Variants in VPS13B observed in about 807,000 individuals in gnomAD.
The protein encoded by VPS13B is intermembrane lipid transfer protein VPS13B.
A neutral mutation model predicts 426.4 loss-of-function variants in VPS13B; 285 were observed. That is an observed-to-expected ratio of 0.67 (90% CI 0.61 to 0.74). The LOEUF (loss-of-function observed/expected upper bound fraction) is 0.74, where lower values mean the gene tolerates loss of function less well. Among genes scored for constraint, VPS13B ranks in the 30% least tolerant of loss-of-function variants. The pLI is 0.00. For missense variants in VPS13B, 4,537 were observed against 4,782.6 expected, an observed-to-expected ratio of 0.95 and a Z score of 1.51; for synonymous variants, 1,676 against 1,676.4, an observed-to-expected ratio of 1.00 and a Z score of 0.01.
intron 39 of VPS13B, among the ~76,000 whole-genome samples, chr8:99,758,532 A>G (rs533889275): frequency 1.2e-3 from 189 of 152,348 alleles, no homozygotes; most frequent in African/African-American, 4.3e-3. Context: ...TAAGAATACT[A>G]ATCTGAGAAC....
chr8:99,185,639 C>G (rs1460147812), intron 16 of VPS13B, among the ~76,000 whole-genome samples: 3 of 152,154 alleles, frequency 2.0e-5, no homozygotes, highest in Non-Finnish European at 2.9e-5. Flanking sequence ...TGAGAATATT[C>G]TTTCAATTGC....
intron 24 of VPS13B, 101 bp from the exon 25 acceptor site, chr8:99,481,498 T>G: frequency 7.5e-7 from 1 of 1,324,862 alleles, no homozygotes; most frequent in Non-Finnish European, 1.1e-6. Flanking sequence ...TTTATAAATT[T>G]TATTTCTCTG....
chr8:99,327,677 A>G (rs1348628353), intron 19 of VPS13B, among the ~76,000 whole-genome samples: 18 of 152,164 alleles, frequency 1.2e-4, no homozygotes, highest in Non-Finnish European at 5.9e-5. Flanking sequence ...ATGTTTATGT[A>G]TCCCCTGCCC....
intron 29 of VPS13B, among the ~76,000 whole-genome samples, chr8:99,517,901 G>T (rs1051875963): frequency 6.6e-6 from 1 of 151,432 alleles, no homozygotes; most frequent in African/African-American, 2.4e-5. Context: ...GCACTTTCAT[G>T]TATAAATACA....
chr8:99,606,268 A>C (rs1046481089), intron 33 of VPS13B, among the ~76,000 whole-genome samples: 1 of 152,100 alleles, frequency 6.6e-6, no homozygotes, highest in African/African-American at 2.4e-5. Context: ...TGACATTACT[A>C]TTATATTCGT....
chr8:99,169,943 C>T (rs1268505750), intron 15 of VPS13B, 96 bp from the exon 16 acceptor site: 1 of 1,389,052 alleles, frequency 7.2e-7, no homozygotes, highest in Non-Finnish European at 1.0e-6. Context: ...ATTTAGTGTG[C>T]AGCTGTTGTA....
At chr8:99,620,487 TAAAGGGTGGGAGGG>T (rs1828300746) in intron 33 of VPS13B, among the ~76,000 whole-genome samples, 1 of 151,926 alleles carries the variant, frequency 6.6e-6, no homozygotes, top group South Asian at 2.1e-4. Flanking sequence ...CACTGAGAAA[TAAAGGGTGGGAGGG>T]AAAGCTGTGC....
chr8:99,835,964 G>T (rs1209428747), intron 54 of VPS13B, among the ~76,000 whole-genome samples: 1 of 152,170 alleles, frequency 6.6e-6, no homozygotes, highest in Non-Finnish European at 1.5e-5. Context: ...AGGAGCACTA[G>T]TAAAAGCAGG....
At chr8:99,790,787 G>A (rs182247336) in intron 43 of VPS13B, among the ~76,000 whole-genome samples, 11 of 152,256 alleles carry the variant, frequency 7.2e-5, no homozygotes, top group Admixed American at 1.3e-4. Context: ...GGGTGGAGGC[G>A]ATATTCCAGC....
At chr8:99,410,704 C>A (rs1051903381) in intron 21 of VPS13B, among the ~76,000 whole-genome samples, 4 of 152,036 alleles carry the variant, frequency 2.6e-5, no homozygotes, top group African/African-American at 9.7e-5. Context: ...AAAATGTTAT[C>A]CCTCCCCTAG....
chr8:99,533,084 C>G (rs1308043888), intron 30 of VPS13B, among the ~76,000 whole-genome samples: 1 of 151,594 alleles, frequency 6.6e-6, no homozygotes, highest in Non-Finnish European at 1.5e-5. Flanking sequence ...GGATTACAGG[C>G]ACGCACAACC....
rs554239368 is a variant in VPS13B at position 99,598,998 on chromosome 8, C to A, written c.5220+21365C>A. 1.2e-3 allele frequency among the ~76,000 whole-genome samples: 175 copies of A among 152,056 alleles called. 1 individual carries two copies. The highest frequency in any genetic ancestry group is 6.8e-3 in the Middle Eastern group (2 of 294). On this transcript the variant is annotated intron_variant, in intron 33 of 61. Coordinates refer to ENST00000357162, the MANE Select transcript of VPS13B (RefSeq NM_152564.5). ...TTTCTAAAGTAGTGGTTATTTCTAT[C>A]CAATGTAAAGTTTCCCTTTCCCCAG...
intron 30 of VPS13B, among the ~76,000 whole-genome samples, chr8:99,521,432 G>A (rs1351192492): frequency 6.6e-6 from 1 of 152,120 alleles, no homozygotes; most frequent in Non-Finnish European, 1.5e-5. Flanking sequence ...ATGTCATATG[G>A]ATCAAAGCTA....
intron 25 of VPS13B, among the ~76,000 whole-genome samples, chr8:99,497,011 A>T (rs556083019): frequency 5.3e-5 from 8 of 149,564 alleles, no homozygotes; most frequent in African/African-American, 2.0e-4. Context: ...AGTAATTTCA[A>T]AGCTGTAGAA....
chr8:99,137,519 T>G (rs1011648461), intron 12 of VPS13B, among the ~76,000 whole-genome samples: 1 of 150,618 alleles, frequency 6.6e-6, no homozygotes, highest in Non-Finnish European at 1.5e-5. Flanking sequence ...TATAGAGAAC[T>G]AGAAGTGTGG....
chr8:99,754,560 T>C (rs1174986892), intron 39 of VPS13B, among the ~76,000 whole-genome samples: 1 of 152,194 alleles, frequency 6.6e-6, no homozygotes, highest in Non-Finnish European at 1.5e-5. Flanking sequence ...TATCTCTAGA[T>C]AAGGACTGTC....
chr8:99,102,890 TTAAG>T (rs1467235852), intron 4 of VPS13B, 59 bp from the exon 5 acceptor site: 2 of 1,437,624 alleles, frequency 1.4e-6, no homozygotes. Flanking sequence ...CAATAACACT[TTAAG>T]AAATAATTAT....
intron 21 of VPS13B, among the ~76,000 whole-genome samples, chr8:99,397,394 C>T (rs1263061922): frequency 1.3e-5 from 2 of 152,178 alleles, no homozygotes; most frequent in Non-Finnish European, 2.9e-5. Flanking sequence ...CTGCCCGCCT[C>T]GGCGTTCCAA....
intron 47 of VPS13B, among the ~76,000 whole-genome samples, 182 bp from the exon 48 acceptor site, chr8:99,819,230 G>C (rs568794629): frequency 2.3e-4 from 35 of 152,142 alleles, no homozygotes; most frequent in Middle Eastern, 3.2e-3. Context: ...CAGGAATTGA[G>C]GGGTGGGGGA....
Sources: gnomAD v4.1 joint callset for allele counts (sites outside exome capture counted in the v4.1 genomes callset) on GRCh38, gnomAD v4.1.1 for gene constraint, MANE v1.5 for transcripts, NCBI Gene and HGNC (gene_info 2026-07-23, HGNC 2026-07-21) for gene names.